ANKS1B: variants seen among roughly 807,000 people sequenced by gnomAD.
The protein encoded by ANKS1B is ankyrin repeat and sterile alpha motif domain-containing protein 1B.
A neutral mutation model predicts 148.3 loss-of-function variants in ANKS1B; 36 were observed. The observed-to-expected ratio is 0.24, with a 90% CI of 0.19 to 0.32. The LOEUF is 0.32. ANKS1B is among the 10% of genes least tolerant of loss of function. The pLI is 1.00. For synonymous variants in ANKS1B, 542 were observed against 560.8 expected, an observed-to-expected ratio of 0.97 and a Z score of 0.47; for missense variants, 1,157 against 1,542.6, an observed-to-expected ratio of 0.75 and a Z score of 4.19.
At chr12:99,363,268 A>C (rs568094623) in intron 12 of ANKS1B, among the ~76,000 whole-genome samples, 2 of 152,258 alleles carry the variant, frequency 1.3e-5, no homozygotes, top group Admixed American at 1.3e-4. Flanking sequence ...CAGTAAAGGA[A>C]GGGAGAAATT....
chr12:99,764,001 T>G (rs1601671779), intron 8 of ANKS1B, among the ~76,000 whole-genome samples: 1 of 152,290 alleles, frequency 6.6e-6, no homozygotes, highest in East Asian at 1.9e-4. Context: ...TGGCGAGGTA[T>G]TCATTATTTG....
intron 17 of ANKS1B, among the ~76,000 whole-genome samples, chr12:98,833,994 CT>C (rs1372140912): frequency 6.6e-6 from 1 of 152,156 alleles, no homozygotes; most frequent in Non-Finnish European, 1.5e-5. Flanking sequence ...TGTTGGTTAA[CT>C]TACGGGCCTT....
chr12:98,820,907 A>G (rs1034471785), intron 19 of ANKS1B, among the ~76,000 whole-genome samples: 1 of 152,240 alleles, frequency 6.6e-6, no homozygotes, highest in Non-Finnish European at 1.5e-5. Flanking sequence ...ATTTACTTTA[A>G]AATGCATTTA....
intron 17 of ANKS1B, chr12:98,956,506 A>C (rs1004456305): frequency 6.6e-6 from 1 of 152,216 alleles, no homozygotes; most frequent in Non-Finnish European, 1.5e-5. Flanking sequence ...TGCAAGGATC[A>C]TCAAGATCTG....
At chr12:99,911,285 C>T (rs910689674) in intron 1 of ANKS1B, among the ~76,000 whole-genome samples, 8 of 152,102 alleles carry the variant, frequency 5.3e-5, no homozygotes, top group Admixed American at 2.0e-4. Context: ...TAGGAAAAAT[C>T]CCAGAACCAA....
intron 8 of ANKS1B, among the ~76,000 whole-genome samples, chr12:99,741,659 A>T (rs1272743422): frequency 6.6e-6 from 1 of 151,942 alleles, no homozygotes; most frequent in South Asian, 2.1e-4. Context: ...AAAACCAAAC[A>T]CCGCATGTTC....
At chr12:99,709,559 T>G (rs368217200) in intron 8 of ANKS1B, among the ~76,000 whole-genome samples, 3 of 152,142 alleles carry the variant, frequency 2.0e-5, no homozygotes, top group Admixed American at 1.3e-4. Flanking sequence ...GAGGATTAGG[T>G]AACTTTTCCA....
Position 99,825,369 on chromosome 12 carries a change from A to G in ANKS1B, c.155T>C (p.Val52Ala). ...GTAACCCGAACTGTCTGTGCAGTTC[A>G]CATTGGGGCCTCGCCAGATGCTGCA... ...NLLSIWRGPN[V>A]NCTDSSGYTA... Residue 52 changes from valine to alanine, a missense_variant, in exon 2 of 27, where the codon GTG becomes GCG. By Grantham distance (64) the Val-to-Ala change is moderately conservative (BLOSUM62 0). This residue lies in a region of ANKS1B where 164 missense variants were observed against 232.6 expected (regional missense o/e 0.71). Coordinates refer to ENST00000683438, the MANE Select transcript of ANKS1B (RefSeq NM_001352186.2). 1 of 1,611,670 alleles carries G rather than the reference A, an allele frequency of 6.2e-7. No individual in the cohort carries two copies. The highest frequency in any genetic ancestry group is 8.5e-7 in the Non-Finnish European group (1 of 1,178,840).
chr12:98,780,523 C>T (rs749323713), intron 24 of ANKS1B, among the ~76,000 whole-genome samples: 5 of 152,196 alleles, frequency 3.3e-5, no homozygotes, highest in Admixed American at 6.5e-5. Flanking sequence ...GAAGTCACAG[C>T]GGAGCCACAG....
At chr12:99,689,970 A>G (rs2098670205) in intron 8 of ANKS1B, among the ~76,000 whole-genome samples, 1 of 152,186 alleles carries the variant, frequency 6.6e-6, no homozygotes, top group South Asian at 2.1e-4. Flanking sequence ...GATAATTTAT[A>G]AAGGAAAGAG....
intron 9 of ANKS1B, among the ~76,000 whole-genome samples, chr12:99,549,960 G>A (rs369590216): frequency 9.9e-5 from 15 of 152,214 alleles, no homozygotes; most frequent in African/African-American, 1.9e-4. Flanking sequence ...GACCCCTCCC[G>A]CTCGGACCTA....
chr12:99,038,763 C>A (rs945965234), intron 17 of ANKS1B, among the ~76,000 whole-genome samples: 2 of 152,202 alleles, frequency 1.3e-5, no homozygotes, highest in Non-Finnish European at 2.9e-5. Flanking sequence ...CTGCACTTGC[C>A]GCTCCCTCAG....
intron 14 of ANKS1B, among the ~76,000 whole-genome samples, chr12:99,241,555 A>G (rs2089327959): frequency 6.6e-6 from 1 of 152,248 alleles, no homozygotes; most frequent in African/African-American, 2.4e-5. Context: ...TTATGAGGCC[A>G]GCATCATCTT....
chr12:99,267,582 C>T (rs1006348384), intron 12 of ANKS1B, among the ~76,000 whole-genome samples: 1 of 152,138 alleles, frequency 6.6e-6, no homozygotes, highest in African/African-American at 2.4e-5. Flanking sequence ...TTCATTCATT[C>T]ATTTATTCAA....
intron 9 of ANKS1B, among the ~76,000 whole-genome samples, chr12:99,542,984 T>G (rs532781088): frequency 3.9e-5 from 6 of 152,180 alleles, no homozygotes; most frequent in African/African-American, 1.4e-4. Context: ...ATAAATAAAC[T>G]GAATTTTGTC....
intron 17 of ANKS1B, among the ~76,000 whole-genome samples, chr12:98,914,831 A>G (rs1348517069): frequency 2.6e-5 from 4 of 151,470 alleles, no homozygotes; most frequent in African/African-American, 4.9e-5. Flanking sequence ...TTCCTTGACC[A>G]CTCTATTTGA....
chr12:99,347,423 C>A (rs1402014260), intron 12 of ANKS1B, among the ~76,000 whole-genome samples: 1 of 151,956 alleles, frequency 6.6e-6, no homozygotes, highest in Non-Finnish European at 1.5e-5. Context: ...AAAGTCTCAC[C>A]TTTGGGTGAA....
In ANKS1B at chr12:99,984,746, C is replaced by CCGCGGCGGGGAGGAG. The variant is rs1293239666; in HGVS notation, c.-524_-510dup. ...CTCGGCGGTTACGCGGGGGCGGCGT[C>CCGCGGCGGGGAGGAG]CGCGGCGGGGAGGAGCGCGGCGGCG... On this transcript the variant is annotated 5_prime_UTR_variant, in exon 1 of 27. Coordinates refer to ENST00000683438, the MANE Select transcript of ANKS1B (RefSeq NM_001352186.2). 2.8e-3 allele frequency: 427 copies of CCGCGGCGGGGAGGAG among 150,266 alleles called. 1 individual carries two copies. The highest frequency in any genetic ancestry group is 4.7e-3 in the Non-Finnish European group (319 of 67,488). The allele number at this position is 150,266 out of a possible 1,614,324, so 9.3% of individuals were successfully genotyped here.
chr12:99,167,336 G>A (rs1293045719), intron 14 of ANKS1B, among the ~76,000 whole-genome samples: 1 of 152,022 alleles, frequency 6.6e-6, no homozygotes, highest in Non-Finnish European at 1.5e-5. Context: ...TGTGAATCAT[G>A]TGATAACAAA....
Sources: gnomAD v4.1 joint callset for allele counts (sites outside exome capture counted in the v4.1 genomes callset) on GRCh38, gnomAD v4.1.1 for gene constraint, gnomAD v4.1.1 regional missense constraint, MANE v1.5 for transcripts, NCBI Gene and HGNC (gene_info 2026-07-23, HGNC 2026-07-21) for gene names.